PTGES3: variants seen among roughly 807,000 people sequenced by gnomAD.
PTGES3 encodes prostaglandin E synthase 3, also known as Hsp90 co-chaperone.
In PTGES3, 5 loss-of-function variants were observed where a neutral mutation model predicts 29.9. That is an observed-to-expected ratio of 0.17 (90% confidence interval 0.09 to 0.35). The LOEUF (loss-of-function observed/expected upper bound fraction) is 0.35. PTGES3 is among the 10% of genes least tolerant of loss of function. PTGES3 has a pLI of 1.00. For missense variants in PTGES3, 128 were observed against 190.0 expected (o/e 0.67, Z 1.92); for synonymous variants, 49 against 57.8 (o/e 0.85, Z 0.69).
rs373339318 is a variant in PTGES3, at chr12:56,680,290, T to C, written c.3-7225A>G. On this transcript the variant is annotated intron_variant, in intron 1 of 7. Transcript: ENST00000262033. Reference sequence around the variant, plus strand: ...TGAGGTTTTGCAATATTGGCCAGGCTGGTCTCGAACTCGGCCTCAAGTGAT... The same window carrying C: ...TGAGGTTTTGCAATATTGGCCAGGCCGGTCTCGAACTCGGCCTCAAGTGAT... 6.2e-4 allele frequency among the ~76,000 whole-genome samples: 95 copies of C among 152,134 alleles called. No homozygotes were observed. In the South Asian group the frequency reaches 8.3e-3, roughly 13 times the overall value.
chr12:56,665,956 T>C (rs756510850), intron 6 of PTGES3: 41 of 1,206,082 alleles, frequency 3.4e-5, no homozygotes, highest in African/African-American at 4.8e-5. Context: ...GGTATTAATA[T>C]ATAATGTCTC....
rs1192029951 is a variant in PTGES3 at position 56,663,797 on chromosome 12, T to C, written c.*682A>G. 1 of 152,612 alleles carries C rather than the reference T, an allele frequency of 6.6e-6. No homozygotes were observed. Among genetic ancestry groups the C allele is most frequent in the Non-Finnish European group, 1.5e-5 (1 of 68,052 alleles). 9.5% of individuals were successfully genotyped at this position (152,612 alleles called of 1,614,324 possible). ...AAATCTGGACTAAATGTACAGACTC[T>C]CAAGCAACAATGTACAGCTTTCTTC... is the stretch of plus-strand genomic sequence containing the variant. On this transcript the variant is annotated 3_prime_UTR_variant, in exon 8 of 8. Transcript: ENST00000262033.
At chr12:56,666,033 A>G in intron 6 of PTGES3, 171 bp downstream of exon 6, 2 of 1,383,838 alleles carry the variant, frequency 1.4e-6, no homozygotes, top group South Asian at 1.7e-5. Flanking sequence ...GTTCCCTAAT[A>G]GATACCCCCA....
intron 1 of PTGES3, among the ~76,000 whole-genome samples, chr12:56,681,737 C>T (rs1370927108): frequency 6.6e-6 from 1 of 151,326 alleles, no homozygotes; most frequent in Non-Finnish European, 1.5e-5. Flanking sequence ...CGCCTGTAAT[C>T]CCAGGTACTC....
At chr12:56,687,083 C>G (rs1363890629) in intron 1 of PTGES3, among the ~76,000 whole-genome samples, 2 of 150,902 alleles carry the variant, frequency 1.3e-5, no homozygotes, top group Non-Finnish European at 2.9e-5. Flanking sequence ...GAATTCTTAC[C>G]GGTTAAAATC....
chr12:56,671,595 G>A (rs556722966), intron 4 of PTGES3, among the ~76,000 whole-genome samples, 154 bp downstream of exon 4: 68 of 152,146 alleles, frequency 4.5e-4, no homozygotes, highest in Admixed American at 4.6e-4. Context: ...ATCACACTTC[G>A]TATTAAAACT....
At chr12:56,669,988 A>AG (rs397803240) in intron 5 of PTGES3, among the ~76,000 whole-genome samples, 1 of 150,886 alleles carries the variant, frequency 6.6e-6, no homozygotes, top group Non-Finnish European at 1.5e-5. Flanking sequence ...AAAAAAAAAA[A>AG]GTCCCAATGA....
Position 56,665,584 on chromosome 12 carries a change from A to G in PTGES3, c.438+620T>C, listed in dbSNP as rs146916431. The G allele has an allele frequency of 2.1e-5, 21 of 985,368 alleles. No individual in the cohort carries two copies. The African/African-American group carries it at 3.1e-4, about 15-fold the overall frequency. The allele number at this position is 985,368 out of a possible 1,614,324, so 61.0% of individuals were successfully genotyped here. A position where few individuals can be genotyped will look rare whatever the true frequency, so the allele number is the denominator to read the frequency against. ...CATCTGTTTTATCGGTCTCTGACCA[A>G]TCCTGACATAAAACCTATTTAACTT... On this transcript the variant is annotated intron_variant, in intron 6 of 7. Transcript: ENST00000262033.
At chr12:56,666,798 T>C (rs1277426223) in intron 5 of PTGES3, among the ~76,000 whole-genome samples, 2 of 152,074 alleles carry the variant, frequency 1.3e-5, no homozygotes, top group Admixed American at 1.3e-4. Context: ...AACTAATTTT[T>C]TGTATTTTGG....
intron 1 of PTGES3, among the ~76,000 whole-genome samples, chr12:56,676,694 T>G (rs145422094): frequency 2.0e-5 from 3 of 152,102 alleles, no homozygotes; most frequent in African/African-American, 7.2e-5. Flanking sequence ...CCCAGCACTT[T>G]GGGAGGCCAA....
intron 1 of PTGES3, among the ~76,000 whole-genome samples, chr12:56,675,413 T>C (rs1237078784): frequency 6.6e-6 from 1 of 151,302 alleles, no homozygotes; most frequent in East Asian, 1.9e-4. Context: ...GAACCAAAAA[T>C]GATTCCTACA....
intron 1 of PTGES3, among the ~76,000 whole-genome samples, chr12:56,680,280 T>C (rs1001646320): frequency 1.3e-5 from 2 of 152,116 alleles, no homozygotes; most frequent in South Asian, 2.1e-4. Context: ...TTTTGCAATA[T>C]TGGCCAGGCT....
intron 1 of PTGES3, among the ~76,000 whole-genome samples, chr12:56,675,620 C>T (rs1952204277): frequency 6.6e-6 from 1 of 151,622 alleles, no homozygotes; most frequent in African/African-American, 2.4e-5. Context: ...TTGGCTAACA[C>T]ATTAAAACTA....
intron 5 of PTGES3, among the ~76,000 whole-genome samples, chr12:56,667,862 C>T (rs374621807): frequency 1.3e-5 from 2 of 152,222 alleles, no homozygotes; most frequent in East Asian, 1.9e-4. Context: ...AATCCCAGAA[C>T]TTTGGGAGGC....
intron 5 of PTGES3, among the ~76,000 whole-genome samples, chr12:56,669,681 G>T (rs537255303): frequency 1.3e-5 from 2 of 152,034 alleles, no homozygotes; most frequent in Admixed American, 6.6e-5. Flanking sequence ...GCACGATCTC[G>T]GCTCACTGCA....
chr12:56,669,820 C>T (rs762917196), intron 5 of PTGES3, among the ~76,000 whole-genome samples: 15 of 151,370 alleles, frequency 9.9e-5, no homozygotes, highest in Non-Finnish European at 1.6e-4. Flanking sequence ...CCAAGTTGGC[C>T]CGTATGATCT....
At chr12:56,671,617 A>C (rs2137620031) in intron 4 of PTGES3, 132 bp downstream of exon 4, 2 of 475,076 alleles carry the variant, frequency 4.2e-6, no homozygotes, top group Middle Eastern at 1.2e-3. Flanking sequence ...AGTAGACAAA[A>C]AACATGAACA....
chr12:56,675,906 G>A (rs1272391334), intron 1 of PTGES3, among the ~76,000 whole-genome samples: 3 of 151,930 alleles, frequency 2.0e-5, no homozygotes, highest in African/African-American at 7.3e-5. Context: ...CTGGACAACA[G>A]CGTGAAACTC....
chr12:56,687,371 C>T, intron 1 of PTGES3: 4 of 987,786 alleles, frequency 4.0e-6, no homozygotes, highest in Non-Finnish European at 4.8e-6. Flanking sequence ...TTGGCAACCT[C>T]CCGTGTTTTC....
Sources: gnomAD v4.1 joint callset for allele counts (sites outside exome capture counted in the v4.1 genomes callset) on GRCh38, gnomAD v4.1.1 for gene constraint, MANE v1.5 for transcripts, NCBI Gene and HGNC (gene_info 2026-07-23, HGNC 2026-07-21) for gene names.